The following DPP10 variants were observed in gnomAD, a reference collection of about 807,000 sequenced individuals.
The protein encoded by DPP10 is inactive dipeptidyl peptidase 10.
In DPP10, 33 loss-of-function variants were observed where a neutral mutation model predicts 120.9. The observed-to-expected ratio is 0.27, with a 90% confidence interval of 0.21 to 0.37. DPP10 has a LOEUF of 0.37. Ranked by LOEUF, DPP10 falls within the 10% of genes least tolerant of loss-of-function variation. DPP10 has a pLI of 1.00. For synonymous variants in DPP10, 337 were observed against 326.1 expected (o/e 1.03, Z -0.36); for missense variants, 816 against 942.8 (o/e 0.87, Z 1.76).
intron 4 of DPP10, among the ~76,000 whole-genome samples, chr2:115,514,816 T>C (rs1159422545): frequency 6.6e-6 from 1 of 151,808 alleles, no homozygotes; most frequent in Non-Finnish European, 1.5e-5. Flanking sequence ...TCATAAAAAA[T>C]TCCCCCTTCA....
chr2:115,256,513 G>T (rs1457632776), intron 1 of DPP10, among the ~76,000 whole-genome samples: 1 of 152,188 alleles, frequency 6.6e-6, no homozygotes, highest in African/African-American at 2.4e-5. Flanking sequence ...CAGGATTCAG[G>T]GAGTAGTGTT....
intron 1 of DPP10, among the ~76,000 whole-genome samples, chr2:115,048,819 A>G (rs1221445271): frequency 6.6e-6 from 1 of 152,104 alleles, no homozygotes; most frequent in Non-Finnish European, 1.5e-5. Context: ...CACTCTTGAA[A>G]GAAATATTTT....
chr2:114,517,936 C>T (rs774903351), intron 1 of DPP10, among the ~76,000 whole-genome samples: 126 of 152,260 alleles, frequency 8.3e-4, no homozygotes, highest in Admixed American at 1.8e-3. Flanking sequence ...ATTGGCCTTT[C>T]GTCTTCGTCT....
intron 1 of DPP10, among the ~76,000 whole-genome samples, chr2:115,193,413 A>G (rs1382344214): frequency 6.6e-6 from 1 of 152,184 alleles, no homozygotes; most frequent in Non-Finnish European, 1.5e-5. Context: ...AGGATAATAC[A>G]TGTTACAGTG....
chr2:115,473,947 G>A (rs2074903510), intron 3 of DPP10, among the ~76,000 whole-genome samples: 1 of 152,112 alleles, frequency 6.6e-6, no homozygotes, highest in Non-Finnish European at 1.5e-5. Context: ...GTGAAAACCT[G>A]GAACCATTGA....
chr2:114,821,843 G>T (rs967815467), intron 1 of DPP10, among the ~76,000 whole-genome samples: 3 of 152,024 alleles, frequency 2.0e-5, no homozygotes, highest in Non-Finnish European at 2.9e-5. Context: ...AGTCATGCTG[G>T]TGTAAGAAGT....
intron 4 of DPP10, among the ~76,000 whole-genome samples, chr2:115,508,679 T>C (rs1232895483): frequency 6.6e-6 from 1 of 151,990 alleles, no homozygotes; most frequent in African/African-American, 2.4e-5. Flanking sequence ...CTGAGGCAGG[T>C]GGATCACAAG....
chr2:114,642,369 G>A (rs1044307169), intron 1 of DPP10, among the ~76,000 whole-genome samples: 8 of 151,944 alleles, frequency 5.3e-5, no homozygotes, highest in African/African-American at 1.9e-4. Context: ...AAACAGCTGA[G>A]ATGAAATACA....
intron 1 of DPP10, among the ~76,000 whole-genome samples, chr2:114,792,740 T>C (rs1683359189): frequency 6.6e-6 from 1 of 152,240 alleles, no homozygotes; most frequent in Non-Finnish European, 1.5e-5. Flanking sequence ...CTCTCAGCTC[T>C]AATGAGCTTC....
intron 1 of DPP10, among the ~76,000 whole-genome samples, chr2:115,196,185 T>C (rs1297507822): frequency 6.6e-6 from 1 of 152,182 alleles, no homozygotes; most frequent in Non-Finnish European, 1.5e-5. Flanking sequence ...TTTTCTAATT[T>C]ATTTGATATT....
At chr2:115,767,153 A>C (rs1241246192) in intron 12 of DPP10, among the ~76,000 whole-genome samples, 4 of 152,160 alleles carry the variant, frequency 2.6e-5, no homozygotes, top group Non-Finnish European at 4.4e-5. Flanking sequence ...TAGAGACCTG[A>C]AAGAGATAAG....
intron 1 of DPP10, among the ~76,000 whole-genome samples, chr2:114,896,266 T>C (rs1468174009): frequency 2.0e-5 from 3 of 152,224 alleles, no homozygotes; most frequent in Admixed American, 6.5e-5. Flanking sequence ...TCCAATTCTG[T>C]GAAGAAAGTC....
chr2:115,325,570 G>A (rs1281811378), intron 2 of DPP10, among the ~76,000 whole-genome samples: 1 of 151,782 alleles, frequency 6.6e-6, no homozygotes, highest in African/African-American at 2.4e-5. Flanking sequence ...AAATGCTTTG[G>A]GGCATTTGAA....
At chr2:114,869,822 A>C (rs1039630233) in intron 1 of DPP10, among the ~76,000 whole-genome samples, 1 of 152,220 alleles carries the variant, frequency 6.6e-6, no homozygotes, top group Non-Finnish European at 1.5e-5. Flanking sequence ...GAAATGAAGC[A>C]GTTTAAGGGA....
chr2:115,393,945 T>C (rs2067491835), intron 3 of DPP10, among the ~76,000 whole-genome samples: 1 of 152,170 alleles, frequency 6.6e-6, no homozygotes, highest in Admixed American at 6.6e-5. Context: ...GAAAGAACTT[T>C]GTAGTTAGTT....
rs565458375 is a variant in DPP10 at position 115,040,886 on chromosome 2, A to G, written c.61-268353A>G. Among the ~76,000 whole-genome samples the G allele has an allele frequency of 3.0e-3, 454 of 152,214 alleles. 1 individual carries two copies. Among genetic ancestry groups the G allele is most frequent in the Admixed American group, 6.6e-3 (101 of 15,292 alleles). ...GTAATCCCAGCACTTTGGGAGGCTG[A>G]GGCAGGCAGATGACTTGAGGTCACA... is the stretch of plus-strand genomic sequence containing the variant. On this transcript the variant is annotated intron_variant, in intron 1 of 25. Coordinates refer to ENST00000410059, the MANE Select transcript of DPP10 (RefSeq NM_020868.6).
intron 13 of DPP10, among the ~76,000 whole-genome samples, chr2:115,775,069 T>C (rs1308410749): frequency 1.3e-5 from 2 of 152,008 alleles, no homozygotes; most frequent in African/African-American, 4.8e-5. Flanking sequence ...CACTTAGAAC[T>C]AAATGAGAAT....
chr2:115,514,237 G>A (rs886083279), intron 4 of DPP10, among the ~76,000 whole-genome samples: 1 of 151,694 alleles, frequency 6.6e-6, no homozygotes, highest in African/African-American at 2.4e-5. Context: ...TCTATGTGTG[G>A]ATCTTTTTGA....
intron 1 of DPP10, among the ~76,000 whole-genome samples, chr2:114,519,743 G>A (rs1054106698): frequency 6.6e-6 from 1 of 152,144 alleles, no homozygotes; most frequent in African/African-American, 2.4e-5. Context: ...CACTTTTAAT[G>A]TTTTCCATCC....
Sources: gnomAD v4.1 joint callset for allele counts (sites outside exome capture counted in the v4.1 genomes callset) on GRCh38, gnomAD v4.1.1 for gene constraint, MANE v1.5 for transcripts, NCBI Gene and HGNC (gene_info 2026-07-23, HGNC 2026-07-21) for gene names.